ANKRD28: variants seen among roughly 807,000 people sequenced by gnomAD.
ANKRD28 encodes ankyrin repeat domain 28, also known as serine/threonine-protein phosphatase 6 regulatory ankyrin repeat subunit A.
A neutral mutation model predicts 126.5 loss-of-function variants in ANKRD28; 44 were observed. The ratio of observed to expected loss-of-function variants is 0.35; its 90% CI spans 0.27 to 0.45. The LOEUF (loss-of-function observed/expected upper bound fraction) is 0.45. Among genes scored for constraint, ANKRD28 ranks in the 20% least tolerant of loss-of-function variants. The pLI is 1.00. For missense variants in ANKRD28, 1,110 were observed against 1,316.6 expected (o/e 0.84, Z 2.43); for synonymous variants, 442 against 468.5 (o/e 0.94, Z 0.73).
chr3:15,851,773 T>C (rs1201478100), intron 1 of ANKRD28, among the ~76,000 whole-genome samples: 1 of 152,116 alleles, frequency 6.6e-6, no homozygotes, highest in African/African-American at 2.4e-5. Flanking sequence ...TACTACCCAA[T>C]GATTCCATTC....
chr3:15,752,869 TG>T (rs1213699653), intron 3 of ANKRD28, among the ~76,000 whole-genome samples: 2 of 152,278 alleles, frequency 1.3e-5, no homozygotes, highest in East Asian at 3.8e-4. Context: ...TTAGTAGCTC[TG>T]GGTCCCTAAG....
chr3:15,722,392 G>A (rs944268208), intron 7 of ANKRD28, among the ~76,000 whole-genome samples: 4 of 152,202 alleles, frequency 2.6e-5, no homozygotes, highest in African/African-American at 7.2e-5. Context: ...TCCTGACTCC[G>A]TGAAGAGTGG....
At chr3:15,701,668 A>G (rs559919704) in intron 14 of ANKRD28, among the ~76,000 whole-genome samples, 1 of 152,076 alleles carries the variant, frequency 6.6e-6, no homozygotes, top group Admixed American at 6.5e-5. Context: ...ATAAATAAAT[A>G]AAATAAAAAG....
chr3:15,736,427 C>A (rs2075021068), intron 5 of ANKRD28, among the ~76,000 whole-genome samples: 1 of 152,174 alleles, frequency 6.6e-6, no homozygotes, highest in African/African-American at 2.4e-5. Context: ...TAGCTCCCAG[C>A]CACAGAATCT....
intron 4 of ANKRD28, among the ~76,000 whole-genome samples, chr3:15,742,972 T>C (rs962768799): frequency 2.0e-5 from 3 of 151,724 alleles, no homozygotes; most frequent in Non-Finnish European, 4.4e-5. Flanking sequence ...AATCGGATGG[T>C]TGCCATGTCT....
rs1188207398 is a variant in ANKRD28 at position 15,846,671 on chromosome 3, A to G, written c.27+12706T>C. ...AAATCCCAAATTATCACATAACAGA[A>G]TAGGTTATTTTTATTTCATGCTCAC... On this transcript the variant is annotated intron_variant, in intron 1 of 27. Coordinates refer to the ANKRD28 transcript ENST00000399451. This position sits in a 1 kb window ranked among gnomAD's most constrained non-coding sequence, Gnocchi z 5.4. Among the ~76,000 whole-genome samples, 1 of 152,264 alleles carries G rather than the reference A, an allele frequency of 6.6e-6. No homozygotes were observed. Among genetic ancestry groups the G allele is most frequent in the African/African-American group, 2.4e-5 (1 of 41,476 alleles).
At chr3:15,834,652 T>C (rs1402021594) in intron 1 of ANKRD28, among the ~76,000 whole-genome samples, 1 of 152,194 alleles carries the variant, frequency 6.6e-6, no homozygotes, top group African/African-American at 2.4e-5. Context: ...GGGACATTTT[T>C]CTCCTTTCAT....
intron 3 of ANKRD28, among the ~76,000 whole-genome samples, chr3:15,753,703 G>A (rs2057999053): frequency 6.7e-6 from 1 of 149,484 alleles, no homozygotes; most frequent in Non-Finnish European, 1.5e-5. Flanking sequence ...GCACTTTTGG[G>A]AGGCTGAGGT....
At chr3:15,770,696 T>G (rs1458679343) in intron 2 of ANKRD28, among the ~76,000 whole-genome samples, 1 of 152,200 alleles carries the variant, frequency 6.6e-6, no homozygotes, top group African/African-American at 2.4e-5. Context: ...CAACTCCTGA[T>G]ATTTACTCTT....
chr3:15,743,524 A>G (rs1333954523), intron 4 of ANKRD28, among the ~76,000 whole-genome samples: 6 of 150,472 alleles, frequency 4.0e-5, no homozygotes, highest in Non-Finnish European at 8.8e-5. Flanking sequence ...TATGCTCTCC[A>G]GCAGTGCAGT....
rs147760539 is a variant in ANKRD28, at chr3:15,838,510, G to A, written c.27+20867C>T. Among the ~76,000 whole-genome samples the A allele has an allele frequency of 2.5e-3, 386 of 152,170 alleles. 5 individuals are homozygous for A. The East Asian group carries it at 0.035, about 14-fold the overall frequency. On this transcript the variant is annotated intron_variant, in intron 1 of 27. Transcript: ENST00000399451. The surrounding 1 kb of genome is among the most constrained non-coding windows in gnomAD (Gnocchi z 4.0). The stretch of plus-strand genomic sequence containing the variant: ...TCCCAGCACTTTGGGAGGCCGAGGC[G>A]GGCAGATCACCTGAGGTCAGGAGTT...
intron 1 of ANKRD28, among the ~76,000 whole-genome samples, chr3:15,841,101 T>A (rs946629041): frequency 6.6e-6 from 1 of 152,066 alleles, no homozygotes; most frequent in Admixed American, 6.5e-5. Context: ...TCCGCGCCAC[T>A]GCACTCCAGC....
intron 27 of ANKRD28, among the ~76,000 whole-genome samples, chr3:15,671,589 GT>G (rs1266007505): frequency 7.5e-4 from 100 of 133,890 alleles, no homozygotes; most frequent in Non-Finnish European, 8.1e-4. Context: ...TTTTTTTTTT[GT>G]TTTTTTTTTT....
intron 2 of ANKRD28, among the ~76,000 whole-genome samples, chr3:15,783,413 T>C (rs1172560602): frequency 2.0e-5 from 3 of 152,058 alleles, no homozygotes; most frequent in Non-Finnish European, 4.4e-5. Flanking sequence ...GATTCTCATA[T>C]CCTGCTGGTG....
chr3:15,712,198 G>T lies in ANKRD28; in HGVS notation c.1215C>A (p.Pro405=). The change falls in exon 11 of 28, where the codon CCC becomes CCA. Residue 405 remains proline (P), a synonymous_variant. Coordinates refer to ENST00000683139, the MANE Select transcript of ANKRD28 (RefSeq NM_001349278.2). ...AGCCGCTTAAGGCTGCCAAATGGAG[G>T]GGGAACATTCCATGTATGCCACGCC... ...TAKRGIHGMF[P]LHLAALSGFS... is the part of the protein sequence containing the mutation. 6.3e-7 allele frequency: 1 copy of T among 1,585,430 alleles called. No homozygotes were observed. The highest frequency in any genetic ancestry group is 8.6e-7 in the Non-Finnish European group (1 of 1,165,316).
intron 1 of ANKRD28, among the ~76,000 whole-genome samples, chr3:15,810,715 T>C (rs59139878): frequency 0.18 from 27,666 of 150,246 alleles, 3,755 homozygotes; most frequent in East Asian, 0.58. Flanking sequence ...TTTTTTTTTT[T>C]CCCCTAAGTA....
intron 1 of ANKRD28, among the ~76,000 whole-genome samples, chr3:15,822,670 T>C (rs1489074453): frequency 6.6e-6 from 1 of 151,324 alleles, no homozygotes; most frequent in Non-Finnish European, 1.5e-5. Flanking sequence ...GCCTTAAATA[T>C]GCTCACAGAA....
At position 15,797,843 on chromosome 3, in the gene ANKRD28, C is replaced by G; in HGVS notation, c.-1322G>C. The G allele has an allele frequency of 1.0e-6, 1 of 985,348 alleles. No homozygotes were observed. Among genetic ancestry groups the G allele is most frequent in the Non-Finnish European group, 1.2e-6 (1 of 829,930 alleles). 61.0% of individuals were successfully genotyped at this position (985,348 alleles called of 1,614,324 possible). On this transcript the variant is annotated 5_prime_UTR_variant, in exon 1 of 28. Coordinates refer to ENST00000683139, the MANE Select transcript of ANKRD28 (RefSeq NM_001349278.2). The stretch of plus-strand genomic sequence containing the variant: ...ACTGACATCCCCAAATGAGTAGGTC[C>G]TTAAAAAATATCTATAGAACCTCAG...
At chr3:15,685,205 A>G in intron 21 of ANKRD28, 21 bp downstream of exon 21, 2 of 1,599,136 alleles carry the variant, frequency 1.3e-6, no homozygotes, top group South Asian at 1.1e-5. Flanking sequence ...AATGATATGC[A>G]TTTGTGTTTG....
Sources: gnomAD v4.1 joint callset for allele counts (sites outside exome capture counted in the v4.1 genomes callset) on GRCh38, gnomAD v4.1.1 for gene constraint, Gnocchi (gnomAD v3.1) non-coding constraint, MANE v1.5 for transcripts, NCBI Gene and HGNC (gene_info 2026-07-23, HGNC 2026-07-21) for gene names.